The following ROBO2 variants were observed in gnomAD, a reference collection of about 807,000 sequenced individuals.
The protein encoded by ROBO2 is roundabout guidance receptor 2.
Under a neutral mutation model 160.8 loss-of-function variants are expected in ROBO2, and 53 were observed. The ratio of observed to expected loss-of-function variants is 0.33; its 90% CI spans 0.26 to 0.41. The LOEUF (loss-of-function observed/expected upper bound fraction) is 0.41. Ranked by LOEUF, ROBO2 falls within the 10% of genes least tolerant of loss-of-function variation. ROBO2 has a pLI of 1.00. For missense variants in ROBO2, 1,577 were observed against 1,722.4 expected (o/e 0.92, Z 1.49); for synonymous variants, 664 against 611.7 (o/e 1.09, Z -1.26).
intron 2 of ROBO2, among the ~76,000 whole-genome samples, chr3:76,154,190 C>G (rs913451906): frequency 3.3e-5 from 5 of 152,122 alleles, no homozygotes; most frequent in Admixed American, 3.3e-4. Context: ...TTAAAAGTAG[C>G]AGCAGCTTCC....
chr3:76,878,390 T>C (rs189224700), intron 2 of ROBO2, among the ~76,000 whole-genome samples: 36 of 152,330 alleles, frequency 2.4e-4, no homozygotes, highest in Admixed American at 2.0e-3. Flanking sequence ...TATCGATACC[T>C]TTTTCACTAA....
intron 2 of ROBO2, among the ~76,000 whole-genome samples, chr3:76,244,576 C>T (rs1338469565): frequency 1.3e-5 from 2 of 152,162 alleles, no homozygotes; most frequent in Admixed American, 6.5e-5. Flanking sequence ...TGCTATTTTG[C>T]TTGAGACATA....
At chr3:76,206,168 T>TCA (rs3039048) in intron 2 of ROBO2, among the ~76,000 whole-genome samples, 140,929 of 152,054 alleles carry the variant, frequency 0.93, 65,846 homozygotes, top group Non-Finnish European at 1. Context: ...CAAAAGCCTT[T>TCA]AGAACTTCTT....
chr3:77,299,754 C>G (rs1013372485), intron 2 of ROBO2, among the ~76,000 whole-genome samples: 1 of 152,026 alleles, frequency 6.6e-6, no homozygotes, highest in Non-Finnish European at 1.5e-5. Context: ...AATCTCAGGT[C>G]AGACTAATTG....
intron 2 of ROBO2, chr3:77,317,560 A>G: frequency 7.3e-7 from 1 of 1,364,244 alleles, no homozygotes; most frequent in Non-Finnish European, 1.0e-6. Flanking sequence ...TGGTGAAGAC[A>G]TCCCTAGCAG....
At chr3:77,549,104 T>G (rs925686490) in intron 7 of ROBO2, among the ~76,000 whole-genome samples, 6 of 151,828 alleles carry the variant, frequency 4.0e-5, no homozygotes, top group African/African-American at 1.4e-4. Flanking sequence ...GTTCCCGGTT[T>G]TTGCTTGTAA....
intron 2 of ROBO2, among the ~76,000 whole-genome samples, chr3:77,024,006 G>A (rs868441934): frequency 1.8e-4 from 27 of 152,224 alleles, no homozygotes; most frequent in African/African-American, 6.0e-4. Flanking sequence ...TGTGGTATTA[G>A]TATCACATTT....
intron 5 of ROBO2, among the ~76,000 whole-genome samples, chr3:77,497,026 G>A (rs1175749222): frequency 1.3e-5 from 2 of 152,072 alleles, no homozygotes; most frequent in African/African-American, 2.4e-5. Flanking sequence ...TTGGTAGGAA[G>A]CATAGCAAGT....
chr3:77,009,774 C>T (rs369521267), intron 2 of ROBO2, among the ~76,000 whole-genome samples: 5 of 151,636 alleles, frequency 3.3e-5, no homozygotes, highest in East Asian at 3.9e-4. Flanking sequence ...GGTGAAAACC[C>T]ATCTCTACTA....
intron 2 of ROBO2, among the ~76,000 whole-genome samples, chr3:76,914,361 A>G (rs1019903498): frequency 2.0e-5 from 3 of 152,210 alleles, no homozygotes; most frequent in African/African-American, 2.4e-5. Context: ...TTAAAATACA[A>G]TCTCAGAATT....
At chr3:75,911,367 C>T (rs1946573245) in intron 1 of ROBO2, among the ~76,000 whole-genome samples, 1 of 152,052 alleles carries the variant, frequency 6.6e-6, no homozygotes, top group Non-Finnish European at 1.5e-5. Context: ...ACCTCAGTTG[C>T]TTCTTGTGTA....
rs1052052247 is a variant in ROBO2, at chr3:77,520,002, G to A, written c.807-2773G>A. On this transcript the variant is annotated intron_variant, in intron 5 of 25. Transcript: ENST00000461745. ...CTGGTGTGAGATGGTATCTCATTGT[G>A]GTTTTGATTTGCAGTTCTCTGATGA... is the stretch of plus-strand genomic sequence containing the variant. 2.0e-5 allele frequency among the ~76,000 whole-genome samples: 3 copies of A among 151,270 alleles called. No homozygotes were observed. The East Asian group carries it at 5.9e-4, about 30-fold the overall frequency.
intron 2 of ROBO2, among the ~76,000 whole-genome samples, chr3:75,940,474 T>A (rs891898020): frequency 4.6e-5 from 7 of 152,056 alleles, no homozygotes; most frequent in African/African-American, 1.7e-4. Context: ...GGACATCCAT[T>A]TTCCTACTTC....
At chr3:76,848,757 G>T (rs2069028728) in intron 2 of ROBO2, among the ~76,000 whole-genome samples, 1 of 152,004 alleles carries the variant, frequency 6.6e-6, no homozygotes, top group African/African-American at 2.4e-5. Flanking sequence ...CATTTATGAG[G>T]GCTCCACTCT....
At chr3:77,222,064 G>C (rs1222599604) in intron 2 of ROBO2, among the ~76,000 whole-genome samples, 2 of 151,752 alleles carry the variant, frequency 1.3e-5, no homozygotes, top group Admixed American at 6.6e-5. Context: ...TGTTGGCCAG[G>C]AGGCTCTCGA....
intron 13 of ROBO2, among the ~76,000 whole-genome samples, chr3:77,572,278 T>C (rs1344751247): frequency 1.3e-5 from 2 of 152,050 alleles, no homozygotes; most frequent in African/African-American, 4.8e-5. Context: ...TAGTGTTGTT[T>C]TAACATATAC....
At chr3:77,614,696 T>A (rs2094725668) in intron 21 of ROBO2, among the ~76,000 whole-genome samples, 2 of 152,108 alleles carry the variant, frequency 1.3e-5, no homozygotes, top group Admixed American at 6.6e-5. Context: ...AAATTGAACA[T>A]CCAAAGATGA....
At chr3:76,694,466 T>C (rs1484513647) in intron 2 of ROBO2, among the ~76,000 whole-genome samples, 1 of 152,066 alleles carries the variant, frequency 6.6e-6, no homozygotes, top group Non-Finnish European at 1.5e-5. Flanking sequence ...ACTACTCAAG[T>C]GCAGCTTTAT....
chr3:76,036,996 A>C (rs1430896191), intron 2 of ROBO2, among the ~76,000 whole-genome samples: 3 of 151,996 alleles, frequency 2.0e-5, no homozygotes. Flanking sequence ...AAAAGCAATT[A>C]TCTTGCCATC....
Sources: allele counts gnomAD v4.1 joint callset (sites outside exome capture counted in the v4.1 genomes callset), GRCh38; gene constraint gnomAD v4.1.1; transcripts MANE v1.5; gene names NCBI Gene and HGNC (gene_info 2026-07-23, HGNC 2026-07-21).